The following PTPRD variants were observed in gnomAD, a reference collection of about 807,000 sequenced individuals.
The protein encoded by PTPRD is receptor-type tyrosine-protein phosphatase delta.
In PTPRD, 34 loss-of-function variants were observed where a neutral mutation model predicts 214.5. The ratio of observed to expected loss-of-function variants is 0.16; its 90% CI spans 0.12 to 0.21. The LOEUF (loss-of-function observed/expected upper bound fraction) is 0.21. Ranked by LOEUF, PTPRD falls within the 10% of genes least tolerant of loss-of-function variation. PTPRD has a pLI of 1.00. For missense variants in PTPRD, 2,545 were observed against 2,398.7 expected (o/e 1.06, Z -1.27); for synonymous variants, 1,128 against 845.7 (o/e 1.33, Z -5.79).
chr9:9,929,813 T>C (rs1443689817), intron 5 of PTPRD, among the ~76,000 whole-genome samples: 1 of 146,464 alleles, frequency 6.8e-6, no homozygotes, highest in Admixed American at 7.1e-5. Context: ...GTGATGAATG[T>C]GGTCTACTTG....
chr9:8,728,012 C>T (rs2098604910), intron 12 of PTPRD, among the ~76,000 whole-genome samples: 1 of 152,156 alleles, frequency 6.6e-6, no homozygotes, highest in Admixed American at 6.5e-5. Context: ...ATTTGGGAGG[C>T]CACGGCGGGC....
At chr9:9,794,472 G>A (rs2098988965) in intron 5 of PTPRD, among the ~76,000 whole-genome samples, 1 of 151,920 alleles carries the variant, frequency 6.6e-6, no homozygotes, top group South Asian at 2.1e-4. Flanking sequence ...GTGTATCAAT[G>A]TGGCTAGAGC....
chr9:9,082,127 C>T (rs1014078976), intron 10 of PTPRD, among the ~76,000 whole-genome samples: 6 of 152,026 alleles, frequency 3.9e-5, no homozygotes, highest in Admixed American at 6.6e-5. Flanking sequence ...CAGCATCATC[C>T]TGATACCAAA....
chr9:10,506,729 T>C (rs2046111360), intron 2 of PTPRD, among the ~76,000 whole-genome samples: 1 of 152,172 alleles, frequency 6.6e-6, no homozygotes, highest in Admixed American at 6.6e-5. Flanking sequence ...ATTTCTTCAG[T>C]TTATCTTTCA....
At chr9:8,645,885 T>C (rs1299001034) in intron 12 of PTPRD, among the ~76,000 whole-genome samples, 2 of 152,020 alleles carry the variant, frequency 1.3e-5, no homozygotes, top group Non-Finnish European at 1.5e-5. Flanking sequence ...CACTCTCCCA[T>C]ATACCCCACC....
chr9:9,860,216 T>C (rs1052272062), intron 5 of PTPRD, among the ~76,000 whole-genome samples: 2 of 152,188 alleles, frequency 1.3e-5, no homozygotes, highest in African/African-American at 2.4e-5. Flanking sequence ...AGAGTGCCAA[T>C]TATTTTTTAC....
chr9:8,491,558 G>C (rs946791445), intron 27 of PTPRD, among the ~76,000 whole-genome samples: 2 of 151,204 alleles, frequency 1.3e-5, no homozygotes, highest in African/African-American at 4.9e-5. Flanking sequence ...CGTTCTAACA[G>C]AGACTGGATC....
At chr9:8,826,582 G>T (rs1348127729) in intron 11 of PTPRD, among the ~76,000 whole-genome samples, 2 of 150,792 alleles carry the variant, frequency 1.3e-5, no homozygotes, top group African/African-American at 4.9e-5. Context: ...TCATCCTTCA[G>T]GTCTTTACTT....
chr9:8,924,755 A>T (rs902308802), intron 11 of PTPRD, among the ~76,000 whole-genome samples: 1 of 152,148 alleles, frequency 6.6e-6, no homozygotes, highest in Non-Finnish European at 1.5e-5. Flanking sequence ...CTGGCCATTC[A>T]GTAGGGCTTG....
chr9:9,481,882 AG>A (rs1452860132), intron 8 of PTPRD, among the ~76,000 whole-genome samples: 1 of 152,226 alleles, frequency 6.6e-6, no homozygotes, highest in African/African-American at 2.4e-5. Flanking sequence ...CATTTTAGTC[AG>A]TTTTTATTGC....
intron 23 of PTPRD, among the ~76,000 whole-genome samples, chr9:8,501,471 C>A (rs2097405297): frequency 6.6e-6 from 1 of 152,266 alleles, no homozygotes; most frequent in Non-Finnish European, 1.5e-5. Flanking sequence ...TGATGCCTCA[C>A]AGATGTTTCC....
chr9:8,485,747 G>A lies in PTPRD; in HGVS notation c.3055+15C>T, dbSNP rs2135898620. On this transcript the variant is annotated intron_variant, in intron 28 of 45. Transcript: ENST00000381196. ...ATCCTTTAAAGGAGGAAGGCCGTAAGCAGACAAATCCTACCTTGATCCACA... is the reference window on the plus strand; with the variant it reads ...ATCCTTTAAAGGAGGAAGGCCGTAAACAGACAAATCCTACCTTGATCCACA... 1 of 1,594,990 alleles carries A rather than the reference G, an allele frequency of 6.3e-7. No individual in the cohort carries two copies. The highest frequency in any genetic ancestry group is 8.6e-7 in the Non-Finnish European group (1 of 1,168,928).
intron 9 of PTPRD, among the ~76,000 whole-genome samples, chr9:9,252,004 A>C (rs534256995): frequency 6.6e-6 from 1 of 152,078 alleles, no homozygotes; most frequent in Non-Finnish European, 1.5e-5. Flanking sequence ...AATGCTTGCT[A>C]TCCTCTCTTT....
At chr9:10,418,446 T>TACAC (rs3076350) in intron 2 of PTPRD, among the ~76,000 whole-genome samples, 4,458 of 124,668 alleles carry the variant, frequency 0.036, 98 homozygotes, top group Non-Finnish European at 0.04. Flanking sequence ...CCTTCCCCTC[T>TACAC]ACACACACAC....
chr9:8,973,403 T>C (rs1345133924), intron 11 of PTPRD, among the ~76,000 whole-genome samples: 1 of 152,102 alleles, frequency 6.6e-6, no homozygotes, highest in African/African-American at 2.4e-5. Flanking sequence ...TTTCATTCTT[T>C]TTTATGGCTG....
intron 21 of PTPRD, among the ~76,000 whole-genome samples, chr9:8,511,296 C>A (rs1438687099): frequency 6.6e-6 from 1 of 152,064 alleles, no homozygotes; most frequent in Non-Finnish European, 1.5e-5. Flanking sequence ...GTCTGAACTT[C>A]CTGGGCTCAA....
At chr9:10,573,039 C>G (rs1304401897) in intron 2 of PTPRD, among the ~76,000 whole-genome samples, 1 of 152,000 alleles carries the variant, frequency 6.6e-6, no homozygotes, top group Non-Finnish European at 1.5e-5. Flanking sequence ...GTTGAGTTGT[C>G]AACTGAAATT....
intron 9 of PTPRD, among the ~76,000 whole-genome samples, chr9:9,360,074 C>T (rs927779033): frequency 6.6e-6 from 1 of 151,166 alleles, no homozygotes. Context: ...AGTCAGATTT[C>T]ATAACAAAAA....
At chr9:8,769,962 G>T (rs1389096420) in intron 11 of PTPRD, among the ~76,000 whole-genome samples, 5 of 152,142 alleles carry the variant, frequency 3.3e-5, no homozygotes, top group Admixed American at 6.5e-5. Context: ...ACAGTGCTAA[G>T]ACAGCTATGA....
Sources: gnomAD v4.1 joint callset for allele counts (sites outside exome capture counted in the v4.1 genomes callset) on GRCh38, gnomAD v4.1.1 for gene constraint, MANE v1.5 for transcripts, NCBI Gene and HGNC (gene_info 2026-07-23, HGNC 2026-07-21) for gene names.